The following SLC15A5 variants were observed in gnomAD, a reference collection of about 807,000 sequenced individuals.
The protein encoded by SLC15A5 is Peptide/histidine transporter ENSP00000340402.
A neutral mutation model predicts 56.1 loss-of-function variants in SLC15A5; 58 were observed. The ratio of observed to expected loss-of-function variants is 1.03; its 90% confidence interval spans 0.84 to 1.29. SLC15A5 has a LOEUF of 1.29. Ranked by LOEUF, SLC15A5 falls within the 50% of genes most tolerant of loss-of-function variation. The pLI is 0.00. For synonymous variants in SLC15A5, 264 were observed against 250.5 expected, an observed-to-expected ratio of 1.05 and a Z score of -0.51; for missense variants, 681 against 672.1, an observed-to-expected ratio of 1.01 and a Z score of -0.15.
chr12:16,225,075 G>A (rs891269346), intron 5 of SLC15A5, among the ~76,000 whole-genome samples: 13 of 152,224 alleles, frequency 8.5e-5, no homozygotes, highest in African/African-American at 3.1e-4. Flanking sequence ...TTTTATGGCT[G>A]CATAGTATTC....
intron 2 of SLC15A5, among the ~76,000 whole-genome samples, chr12:16,258,232 C>T (rs1864597456): frequency 6.6e-6 from 1 of 152,152 alleles, no homozygotes; most frequent in Non-Finnish European, 1.5e-5. Context: ...ATAGACAACA[C>T]TTAATCATTC....
At chr12:16,245,432 G>T (rs1214606684) in intron 3 of SLC15A5, among the ~76,000 whole-genome samples, 1 of 152,204 alleles carries the variant, frequency 6.6e-6, no homozygotes, top group African/African-American at 2.4e-5. Flanking sequence ...TTACATGGCT[G>T]TTGCTGCACG....
chr12:16,210,539 AC>A (rs2136243894), intron 7 of SLC15A5, among the ~76,000 whole-genome samples: 1 of 152,326 alleles, frequency 6.6e-6, no homozygotes, highest in South Asian at 2.1e-4. Context: ...TTTTTTGTGC[AC>A]CTACATTTAG....
intron 2 of SLC15A5, among the ~76,000 whole-genome samples, chr12:16,270,281 C>G (rs569122374): frequency 6.6e-6 from 1 of 152,224 alleles, no homozygotes; most frequent in Admixed American, 6.6e-5. Flanking sequence ...TTAAAGGTCC[C>G]ATAACTATGA....
intron 2 of SLC15A5, among the ~76,000 whole-genome samples, chr12:16,264,455 C>T (rs1171438552): frequency 6.6e-6 from 1 of 152,186 alleles, no homozygotes; most frequent in Non-Finnish European, 1.5e-5. Flanking sequence ...TGCTTTGTCT[C>T]AGATGAGACT....
intron 3 of SLC15A5, among the ~76,000 whole-genome samples, chr12:16,245,384 T>G (rs1191359396): frequency 6.6e-6 from 1 of 152,190 alleles, no homozygotes. Context: ...CAGATTAGAT[T>G]AGTTGGCTTT....
At chr12:16,230,854 C>T (rs1198110009) in intron 5 of SLC15A5, among the ~76,000 whole-genome samples, 3 of 150,326 alleles carry the variant, frequency 2.0e-5, no homozygotes, top group Non-Finnish European at 4.4e-5. Context: ...ACCCAGAAGG[C>T]AGAGCTTGTA....
At chr12:16,232,684 G>A (rs1864310001) in intron 5 of SLC15A5, among the ~76,000 whole-genome samples, 1 of 152,160 alleles carries the variant, frequency 6.6e-6, no homozygotes, top group Non-Finnish European at 1.5e-5. Context: ...GGGAGGCCGA[G>A]GTGGGAGGAT....
At chr12:16,234,732 A>G (rs1047032234) in intron 5 of SLC15A5, among the ~76,000 whole-genome samples, 15 of 152,200 alleles carry the variant, frequency 9.9e-5, no homozygotes, top group Non-Finnish European at 2.2e-4. Flanking sequence ...ACCATGTAAT[A>G]ATTTTCCAAA....
intron 3 of SLC15A5, among the ~76,000 whole-genome samples, chr12:16,256,081 T>C (rs1385682233): frequency 6.6e-6 from 1 of 152,192 alleles, no homozygotes; most frequent in African/African-American, 2.4e-5. Context: ...CATAAATTCA[T>C]AATCATAGTT....
intron 2 of SLC15A5, among the ~76,000 whole-genome samples, chr12:16,259,897 C>CGGTG (rs1555173548): frequency 1.4e-5 from 2 of 141,092 alleles, no homozygotes; most frequent in Non-Finnish European, 3.1e-5. Context: ...TGACACCACC[C>CGGTG]GGGCGGGGGG....
rs111681342 is a variant in SLC15A5, at chr12:16,198,711, A to G, written c.1484-4258T>C. 2.9e-3 allele frequency among the ~76,000 whole-genome samples: 446 copies of G among 152,278 alleles called. 2 individuals carry two copies. Among genetic ancestry groups the G allele is most frequent in the African/African-American group, 9.6e-3 (400 of 41,566 alleles). ...ACTCTGGTCCTGAGACTGGCATTCAACCTACTGTGAGATTCTTAGAGCAAT... is the reference window on the plus strand; with the variant it reads ...ACTCTGGTCCTGAGACTGGCATTCAGCCTACTGTGAGATTCTTAGAGCAAT... On this transcript the variant is annotated intron_variant, in intron 7 of 8. Transcript: ENST00000344941.
chr12:16,203,615 C>A (rs569237037), intron 7 of SLC15A5, among the ~76,000 whole-genome samples: 3 of 152,148 alleles, frequency 2.0e-5, no homozygotes, highest in African/African-American at 7.2e-5. Context: ...TATAATCCTA[C>A]AAATATACTT....
intron 7 of SLC15A5, among the ~76,000 whole-genome samples, chr12:16,214,971 G>A (rs1169379905): frequency 6.6e-6 from 1 of 151,846 alleles, no homozygotes; most frequent in African/African-American, 2.4e-5. Context: ...TTGGGAGGCC[G>A]AGGCGGGCGG....
chr12:16,240,832 A>C (rs538413928), intron 4 of SLC15A5, among the ~76,000 whole-genome samples: 1 of 151,172 alleles, frequency 6.6e-6, no homozygotes, highest in African/African-American at 2.4e-5. Context: ...ATTTTTTTTG[A>C]GACAGAGTCT....
chr12:16,227,762 A>G (rs980153529), intron 5 of SLC15A5, among the ~76,000 whole-genome samples: 13 of 152,362 alleles, frequency 8.5e-5, no homozygotes, highest in Middle Eastern at 3.4e-3. Flanking sequence ...TGAAGATTTT[A>G]GACACAAGTG....
intron 1 of SLC15A5, among the ~76,000 whole-genome samples, chr12:16,275,775 C>T (rs1311723908): frequency 6.6e-6 from 1 of 152,002 alleles, no homozygotes; most frequent in Non-Finnish European, 1.5e-5. Flanking sequence ...GATGACTGAC[C>T]TCAGAATTTA....
At position 16,254,381 on chromosome 12, in the gene SLC15A5, A is replaced by G. The variant is rs11056839; in HGVS notation, c.754+3320T>C. Reference sequence around the variant, plus strand: ...TATACAGCTTTAGTGTTGCGGCAAGATGAAAAAGTTCTAGAAATCCATTGC... The same window carrying G: ...TATACAGCTTTAGTGTTGCGGCAAGGTGAAAAAGTTCTAGAAATCCATTGC... On this transcript the variant is annotated intron_variant, in intron 3 of 8. Coordinates refer to ENST00000344941, the MANE Select transcript of SLC15A5 (RefSeq NM_001170798.1). 4.1e-3 allele frequency among the ~76,000 whole-genome samples: 626 copies of G among 152,218 alleles called. 7 individuals carry two copies. The highest frequency in any genetic ancestry group is 0.02 in the East Asian group (102 of 5,180).
intron 2 of SLC15A5, among the ~76,000 whole-genome samples, chr12:16,268,743 C>A (rs1218296153): frequency 6.6e-6 from 1 of 152,048 alleles, no homozygotes; most frequent in African/African-American, 2.4e-5. Flanking sequence ...CATTTCTTTT[C>A]AAAGGCATCA....
Sources: gnomAD v4.1 joint callset for allele counts (sites outside exome capture counted in the v4.1 genomes callset) on GRCh38, gnomAD v4.1.1 for gene constraint, MANE v1.5 for transcripts, NCBI Gene and HGNC (gene_info 2026-07-23, HGNC 2026-07-21) for gene names.